Variants in TIMM23B observed in about 807,000 individuals in gnomAD.
TIMM23B encodes the protein mitochondrial import inner membrane translocase subunit Tim23B.
In TIMM23B, 27 loss-of-function variants were observed where a neutral mutation model predicts 27.3. The ratio of observed to expected loss-of-function variants is 0.99; its 90% CI spans 0.73 to 1.36. The LOEUF (loss-of-function observed/expected upper bound fraction) is 1.36. Among genes scored for constraint, TIMM23B ranks in the 40% most tolerant of loss-of-function variants. The probability of loss-of-function intolerance (pLI) is 0.00; values close to 1 mark genes in which losing one functional copy is unlikely to be tolerated. For synonymous variants in TIMM23B, 73 were observed against 92.4 expected (o/e 0.79, Z 1.21); for missense variants, 205 against 244.2 (o/e 0.84, Z 1.07).
intron 6 of TIMM23B, among the ~76,000 whole-genome samples, chr10:49,967,640 CT>C (rs1416895243): frequency 2.8e-4 from 43 of 152,136 alleles, no homozygotes; most frequent in African/African-American, 1.0e-3. Flanking sequence ...TTTTTCTCTT[CT>C]GAGCCAAGAG....
At chr10:49,945,916 G>A (rs1366738098) in intron 2 of TIMM23B, among the ~76,000 whole-genome samples, 6 of 152,042 alleles carry the variant, frequency 3.9e-5, no homozygotes, top group Non-Finnish European at 8.8e-5. Context: ...TAGGCTGGGC[G>A]CAGTGATTCA....
intron 6 of TIMM23B, among the ~76,000 whole-genome samples, chr10:49,960,365 AT>A (rs1417874346): frequency 1.4e-5 from 2 of 147,096 alleles, no homozygotes; most frequent in Admixed American, 1.4e-4. Flanking sequence ...TTAATTCATT[AT>A]TTTTTATTTT....
At chr10:49,950,817 C>CATTTGT (rs1250253235) in intron 2 of TIMM23B, among the ~76,000 whole-genome samples, 4 of 152,240 alleles carry the variant, frequency 2.6e-5, no homozygotes, top group Non-Finnish European at 4.4e-5. Flanking sequence ...GCTGAGATTA[C>CATTTGT]AGGCGGGAGG....
intron 1 of TIMM23B, among the ~76,000 whole-genome samples, chr10:49,943,857 G>C (rs1460919632): frequency 4.0e-5 from 6 of 150,482 alleles, no homozygotes; most frequent in Non-Finnish European, 7.4e-5. Context: ...GTGCTGTAAA[G>C]GGAATAAAGC....
chr10:49,967,434 T>TC (rs1714226201), intron 6 of TIMM23B, among the ~76,000 whole-genome samples: 1 of 152,096 alleles, frequency 6.6e-6, no homozygotes, highest in African/African-American at 2.4e-5. Flanking sequence ...TTCTTGGGTC[T>TC]ATTTTTTAAC....
intron 5 of TIMM23B, among the ~76,000 whole-genome samples, chr10:49,958,105 A>G (rs1240210914): frequency 6.6e-6 from 1 of 152,192 alleles, no homozygotes; most frequent in Non-Finnish European, 1.5e-5. Context: ...AAGGTCACAG[A>G]GAGAGATTCT....
chr10:49,965,861 A>G (rs1733473431), intron 6 of TIMM23B, among the ~76,000 whole-genome samples: 1 of 151,372 alleles, frequency 6.6e-6, no homozygotes. Flanking sequence ...ATAAAATGGA[A>G]TAATGAAATG....
At position 49,973,019 on chromosome 10, in the gene TIMM23B, G is replaced by A. The variant is rs1177002440; in HGVS notation, c.522G>A (p.Glu174=). 2.0e-6 allele frequency: 3 copies of A among 1,523,986 alleles called. No homozygotes were observed. Among genetic ancestry groups the A allele is most frequent in the African/African-American group, 2.8e-5 (2 of 72,136 alleles). The allele number at this position is 1,523,986 out of a possible 1,614,324, so 94.4% of individuals were successfully genotyped here. ...TGMLYKCTVS[E]MALDSPFCVL... Reference sequence around the variant, plus strand: ...TGTTTTCATTGCTTTTAGTGTCAGAGATGGCTTTGGATTCCCCGTTCTGTG... The same window carrying A: ...TGTTTTCATTGCTTTTAGTGTCAGAAATGGCTTTGGATTCCCCGTTCTGTG... The change falls in exon 7 of 7, where the codon GAG becomes GAA. Residue 174 remains glutamate, a synonymous_variant. Transcript: ENST00000651259.
At chr10:49,952,639 G>A (rs1237976440) in intron 4 of TIMM23B, 106 bp downstream of exon 4, 115 of 1,301,948 alleles carry the variant, frequency 8.8e-5, no homozygotes, top group Non-Finnish European at 1.2e-4. Flanking sequence ...GCATAGTTAT[G>A]TGCTTTTTTG....
At chr10:49,959,034 C>G (rs1400684367) in intron 6 of TIMM23B, among the ~76,000 whole-genome samples, 105 of 152,260 alleles carry the variant, frequency 6.9e-4, no homozygotes, top group Non-Finnish European at 1.2e-3. Context: ...TTGCTTCTAC[C>G]TTTTGGCTAT....
intron 6 of TIMM23B, among the ~76,000 whole-genome samples, chr10:49,962,872 C>T (rs1839968896): frequency 6.7e-6 from 1 of 149,006 alleles, no homozygotes; most frequent in Non-Finnish European, 1.5e-5. Context: ...CTAACGTTTG[C>T]CAGTGTGAGC....
chr10:49,973,107 C>G lies in TIMM23B; in HGVS notation c.*43C>G, dbSNP rs138571460. ...TGTGTCAATCCCAACTGGTGAAGTA[C>G]TGAGAAGAAGCTACACAAAAGGCAG... is the stretch of plus-strand genomic sequence containing the variant. On this transcript the variant is annotated 3_prime_UTR_variant, in exon 7 of 7. Coordinates refer to ENST00000651259, the MANE Select transcript of TIMM23B (RefSeq NM_001290117.2). 2.6e-5 allele frequency: 40 copies of G among 1,518,504 alleles called. 1 individual carries two copies. In the African/African-American group the frequency reaches 4.6e-4, roughly 17 times the overall value. 94.1% of individuals were successfully genotyped at this position (1,518,504 alleles called of 1,614,324 possible).
chr10:49,969,481 A>C (rs1436902760), intron 6 of TIMM23B, among the ~76,000 whole-genome samples: 2 of 151,378 alleles, frequency 1.3e-5, no homozygotes, highest in East Asian at 3.9e-4. Context: ...AGGCCAAGGC[A>C]GGCAAATGGA....
chr10:49,965,526 CAAATGAAATG>C (rs1337528301), intron 6 of TIMM23B, among the ~76,000 whole-genome samples: 2 of 144,788 alleles, frequency 1.4e-5, no homozygotes, highest in African/African-American at 5.1e-5. Flanking sequence ...TGAAATGAAA[CAAATGAAATG>C]AAATGAAATG....
intron 2 of TIMM23B, among the ~76,000 whole-genome samples, chr10:49,950,654 G>A (rs1839498821): frequency 6.6e-6 from 1 of 150,722 alleles, no homozygotes; most frequent in African/African-American, 2.4e-5. Context: ...CAATTCTCCT[G>A]CCTCAGCCTC....
rs2805363 is a variant in TIMM23B at position 49,973,095 on chromosome 10, A to G, written c.*31A>G. The G allele has an allele frequency of 5.2e-6, 8 of 1,530,224 alleles. No individual in the cohort carries two copies. The highest frequency in any genetic ancestry group is 4.1e-5 in the African/African-American group (3 of 72,422). The allele number at this position is 1,530,224 out of a possible 1,614,324, so 94.8% of individuals were successfully genotyped here. A position where few individuals can be genotyped will look rare whatever the true frequency, so the allele number is the denominator to read the frequency against. ...GCTGTAGAGGTGTGTGTCAATCCCAACTGGTGAAGTACTGAGAAGAAGCTA... is the reference window on the plus strand; with the variant it reads ...GCTGTAGAGGTGTGTGTCAATCCCAGCTGGTGAAGTACTGAGAAGAAGCTA... On this transcript the variant is annotated 3_prime_UTR_variant, in exon 7 of 7. Transcript: ENST00000651259.
intron 2 of TIMM23B, among the ~76,000 whole-genome samples, chr10:49,948,990 C>T (rs1251006422): frequency 5.9e-5 from 9 of 152,106 alleles, no homozygotes; most frequent in African/African-American, 1.2e-4. Flanking sequence ...TAGGCTCAAG[C>T]GGTCCTTCTG....
At chr10:49,954,841 A>G (rs1351402504) in intron 4 of TIMM23B, among the ~76,000 whole-genome samples, 161 bp from the exon 5 acceptor site, 1 of 151,410 alleles carries the variant, frequency 6.6e-6, no homozygotes, top group Admixed American at 6.6e-5. Context: ...ATGTAGAGTA[A>G]AAACCATCCT....
intron 2 of TIMM23B, among the ~76,000 whole-genome samples, chr10:49,950,754 G>A (rs1839503882): frequency 6.6e-6 from 1 of 151,868 alleles, no homozygotes; most frequent in African/African-American, 2.4e-5. Flanking sequence ...GTTGCCCAGG[G>A]TGGCCTTGAA....
Sources: gnomAD v4.1 joint callset for allele counts (sites outside exome capture counted in the v4.1 genomes callset) on GRCh38, gnomAD v4.1.1 for gene constraint, MANE v1.5 for transcripts, NCBI Gene and HGNC (gene_info 2026-07-23, HGNC 2026-07-21) for gene names.